Variants in SYT9 observed in about 807,000 individuals in gnomAD.
The protein encoded by SYT9 is synaptotagmin 9.
In SYT9, 22 loss-of-function variants were observed where a neutral mutation model predicts 48.4. The ratio of observed to expected loss-of-function variants is 0.45; its 90% CI spans 0.32 to 0.65. The LOEUF (loss-of-function observed/expected upper bound fraction) is 0.65, where lower values mean the gene tolerates loss of function less well. Ranked by LOEUF, SYT9 falls within the 30% of genes least tolerant of loss-of-function variation. The pLI is 0.03. For missense variants in SYT9, 577 were observed against 622.0 expected, an observed-to-expected ratio of 0.93 and a Z score of 0.77; for synonymous variants, 265 against 245.0, an observed-to-expected ratio of 1.08 and a Z score of -0.76.
chr11:7,398,449 G>A (rs1242733690), intron 3 of SYT9, among the ~76,000 whole-genome samples: 13 of 143,728 alleles, frequency 9.0e-5, no homozygotes, highest in South Asian at 4.4e-4. Context: ...TCACCCTGTC[G>A]CCCAGGCTGG....
intron 1 of SYT9, among the ~76,000 whole-genome samples, chr11:7,270,265 A>G (rs1477191611): frequency 6.6e-6 from 1 of 152,140 alleles, no homozygotes; most frequent in Non-Finnish European, 1.5e-5. Flanking sequence ...TATTATTTTA[A>G]TTCTCTCCCC....
chr11:7,353,236 C>A (rs1849950762), intron 3 of SYT9, among the ~76,000 whole-genome samples: 1 of 152,022 alleles, frequency 6.6e-6, no homozygotes, highest in African/African-American at 2.4e-5. Flanking sequence ...TTTTTTTCTT[C>A]CTAGCTCTGG....
chr11:7,365,142 C>G (rs532188655), intron 3 of SYT9, among the ~76,000 whole-genome samples: 15 of 151,508 alleles, frequency 9.9e-5, no homozygotes, highest in African/African-American at 3.4e-4. Context: ...ATGAAAGGCT[C>G]TGATAATGGA....
At chr11:7,260,043 G>A (rs1299877498) in intron 1 of SYT9, among the ~76,000 whole-genome samples, 3 of 151,986 alleles carry the variant, frequency 2.0e-5, no homozygotes, top group African/African-American at 4.8e-5. Flanking sequence ...TTGTGCAGCT[G>A]TTACTTAACC....
At chr11:7,375,615 C>T (rs139002937) in intron 3 of SYT9, among the ~76,000 whole-genome samples, 5,255 of 152,062 alleles carry the variant, frequency 0.035, 326 homozygotes, top group African/African-American at 0.12. Context: ...GTAGTTCTCC[C>T]TGAAGAGGTC....
rs1847285010 is a variant in SYT9 at position 7,418,077 on chromosome 11, C to T, written c.1286C>T (p.Pro429Leu). ...GAAGCCATAGTCTTTGATGTCCCTC[C>T]CGAGAACATTGACCAAATCCACTTG... ...YNEAIVFDVPPENIDQIHLSI... is the reference protein window; with the variant it reads ...YNEAIVFDVPLENIDQIHLSI... The change falls in exon 5 of 7, where the codon CCC (proline) becomes CTC (leucine). Residue 429 changes from proline (P) to leucine (L), a missense_variant. Transcript: ENST00000318881. 6.2e-7 allele frequency: 1 copy of T among 1,614,006 alleles called. No individual in the cohort carries two copies. Among genetic ancestry groups the T allele is most frequent in the Non-Finnish European group, 8.5e-7 (1 of 1,180,030 alleles).
intron 3 of SYT9, among the ~76,000 whole-genome samples, chr11:7,403,804 C>T (rs912952709): frequency 2.0e-5 from 3 of 151,948 alleles, no homozygotes; most frequent in Admixed American, 6.6e-5. Flanking sequence ...GTTTGGTAAA[C>T]GGCTCTTTAT....
At chr11:7,314,777 C>T (rs908952806) in intron 3 of SYT9, among the ~76,000 whole-genome samples, 3 of 152,220 alleles carry the variant, frequency 2.0e-5, no homozygotes, top group Admixed American at 6.5e-5. Flanking sequence ...CCTGAGATAA[C>T]TTTGTTAGCT....
chr11:7,363,970 A>T (rs1313211104), intron 3 of SYT9, among the ~76,000 whole-genome samples: 2 of 152,198 alleles, frequency 1.3e-5, no homozygotes, highest in African/African-American at 2.4e-5. Flanking sequence ...ATAAGCTAAG[A>T]AAATGACAAG....
At chr11:7,239,900 T>C (rs1278591637) in intron 1 of SYT9, among the ~76,000 whole-genome samples, 1 of 152,182 alleles carries the variant, frequency 6.6e-6, no homozygotes, top group African/African-American at 2.4e-5. Context: ...CACATTTGAA[T>C]AGTTGCACAT....
At chr11:7,264,817 T>C (rs963460787) in intron 1 of SYT9, among the ~76,000 whole-genome samples, 3 of 152,006 alleles carry the variant, frequency 2.0e-5, no homozygotes, top group African/African-American at 7.2e-5. Flanking sequence ...TTGCTGAGAA[T>C]TATGACAAAA....
chr11:7,320,766 G>A (rs962300546), intron 3 of SYT9, among the ~76,000 whole-genome samples: 2 of 152,142 alleles, frequency 1.3e-5, no homozygotes, highest in African/African-American at 4.8e-5. Flanking sequence ...AGAACAAAAC[G>A]GCAATTATTG....
At chr11:7,423,636 G>A (rs1847397649) in intron 6 of SYT9, among the ~76,000 whole-genome samples, 1 of 152,156 alleles carries the variant, frequency 6.6e-6, no homozygotes, top group African/African-American at 2.4e-5. Context: ...TATTATGTAT[G>A]CCCCACATTC....
chr11:7,278,187 G>A (rs1848432519), intron 1 of SYT9, among the ~76,000 whole-genome samples: 2 of 152,142 alleles, frequency 1.3e-5, no homozygotes, highest in African/African-American at 4.8e-5. Flanking sequence ...GCATGCTAAT[G>A]TGTTAGCTCA....
intron 3 of SYT9, among the ~76,000 whole-genome samples, chr11:7,363,179 A>G (rs1482189896): frequency 6.6e-6 from 1 of 151,386 alleles, no homozygotes; most frequent in Non-Finnish European, 1.5e-5. Flanking sequence ...TAACTTTCTT[A>G]TTGGTGTCCT....
intron 3 of SYT9, among the ~76,000 whole-genome samples, chr11:7,331,498 C>T (rs770049126): frequency 2.0e-5 from 3 of 151,886 alleles, no homozygotes; most frequent in Admixed American, 1.3e-4. Context: ...ATTCACAAGC[C>T]GAGGAATTTG....
At chr11:7,308,448 C>A (rs1394800520) in intron 2 of SYT9, among the ~76,000 whole-genome samples, 1 of 152,100 alleles carries the variant, frequency 6.6e-6, no homozygotes, top group Non-Finnish European at 1.5e-5. Context: ...TTGTACAGAG[C>A]CTGGACTCAG....
chr11:7,246,190 T>C (rs1209389183), intron 1 of SYT9, among the ~76,000 whole-genome samples: 1 of 152,204 alleles, frequency 6.6e-6, no homozygotes, highest in Non-Finnish European at 1.5e-5. Context: ...GGGTAATACC[T>C]GGGCTGAGAC....
intron 1 of SYT9, among the ~76,000 whole-genome samples, chr11:7,268,024 A>G (rs947093112): frequency 1.3e-5 from 2 of 152,016 alleles, no homozygotes; most frequent in African/African-American, 2.4e-5. Context: ...AAATATTTAG[A>G]AGAAATTGAA....
Sources: gnomAD v4.1 joint callset for allele counts (sites outside exome capture counted in the v4.1 genomes callset) on GRCh38, gnomAD v4.1.1 for gene constraint, MANE v1.5 for transcripts, NCBI Gene and HGNC (gene_info 2026-07-23, HGNC 2026-07-21) for gene names.